Variants in COMMD1 observed in about 807,000 individuals in gnomAD.
COMMD1 encodes the protein copper metabolism domain containing 1, also known as COMM domain-containing protein 1.
COMMD1 carries 10 observed loss-of-function variants against 17.2 expected under a neutral mutation model. The ratio of observed to expected loss-of-function variants is 0.58; its 90% CI spans 0.36 to 0.99. The LOEUF (loss-of-function observed/expected upper bound fraction) is 0.99, where lower values mean the gene tolerates loss of function less well. Ranked by LOEUF, COMMD1 falls within the 50% of genes least tolerant of loss-of-function variation. The pLI, the probability that COMMD1 is intolerant of heterozygous loss-of-function variation, is 0.01. For synonymous variants in COMMD1, 97 were observed against 91.6 expected (o/e 1.06, Z -0.34); for missense variants, 270 against 231.8 (o/e 1.17, Z -1.07).
At chr2:61,933,497 G>T (rs762453809) in intron 1 of COMMD1, among the ~76,000 whole-genome samples, 7 of 151,966 alleles carry the variant, frequency 4.6e-5, no homozygotes, top group African/African-American at 1.4e-4. Context: ...TTTAGCCGGA[G>T]CCCAGCCCTT....
intron 2 of COMMD1, among the ~76,000 whole-genome samples, chr2:62,127,838 A>C (rs1288515825): frequency 6.6e-6 from 1 of 152,024 alleles, no homozygotes; most frequent in Non-Finnish European, 1.5e-5. Flanking sequence ...AGCCTGACCA[A>C]CATGGTGAAA....
rs183640412 is a variant in COMMD1 at position 61,900,297 on chromosome 2, C to T, written n.119+11455C>T. 1.3e-3 allele frequency among the ~76,000 whole-genome samples: 196 copies of T among 152,306 alleles called. 1 individual carries two copies. Among genetic ancestry groups the T allele is most frequent in the African/African-American group, 3.6e-3 (148 of 41,558 alleles). On this transcript the variant is annotated intron_variant and non_coding_transcript_variant, in intron 1 of 2. Coordinates refer to the COMMD1 transcript ENST00000472729. ...CAGGATATGCTGAAGTGGGGACTTA[C>T]AAGTTACAGGTGGATTCAGAGATTG...
intron 2 of COMMD1, chr2:62,055,564 A>T (rs531609832): frequency 2.4e-6 from 1 of 418,426 alleles, no homozygotes; most frequent in Admixed American, 3.0e-5. Context: ...CCCTGCATTA[A>T]AAGACAAGCC....
intron 2 of COMMD1, among the ~76,000 whole-genome samples, chr2:62,066,290 A>G (rs1486809552): frequency 6.6e-6 from 1 of 152,118 alleles, no homozygotes; most frequent in Non-Finnish European, 1.5e-5. Flanking sequence ...TTTAGCATTC[A>G]GATACCTATA....
At chr2:61,895,969 T>A (rs969227067) in intron 1 of COMMD1, among the ~76,000 whole-genome samples, 2 of 152,186 alleles carry the variant, frequency 1.3e-5, no homozygotes, top group African/African-American at 4.8e-5. Flanking sequence ...TGAACTCCAC[T>A]GTGGACCCAG....
chr2:62,042,184 T>G (rs1029039698), intron 2 of COMMD1, among the ~76,000 whole-genome samples: 12 of 152,194 alleles, frequency 7.9e-5, no homozygotes, highest in African/African-American at 2.9e-4. Context: ...ATTGGTGCAC[T>G]TACAATCCCT....
At position 61,905,720 on chromosome 2, in the gene COMMD1, G is replaced by A. The variant is rs1322492335; in HGVS notation, c.42G>A (p.Gly14=). ...TTGAGGGTGGCAAACCCCTGAGCGG[G>A]CTGCTGAATGCGCTGGCCCAGGACA... is the stretch of plus-strand genomic sequence containing the variant. ...GELEGGKPLS[G]LLNALAQDTF... The change falls in exon 1 of 3, where the codon GGG becomes GGA. Residue 14 remains glycine, a synonymous_variant. Coordinates refer to ENST00000311832, the MANE Select transcript of COMMD1 (RefSeq NM_152516.4). 5 of 1,607,260 alleles carry A rather than the reference G, an allele frequency of 3.1e-6. No homozygotes were observed. The highest frequency in any genetic ancestry group is 4.2e-6 in the Non-Finnish European group (5 of 1,176,558).
intron 1 of COMMD1, among the ~76,000 whole-genome samples, chr2:61,935,843 G>A (rs190585879): frequency 5.5e-4 from 83 of 151,582 alleles, no homozygotes; most frequent in African/African-American, 1.8e-3. Context: ...TTGAGACAGA[G>A]TCTCACTCTG....
chr2:61,946,307 C>G (rs1478420786), intron 1 of COMMD1, among the ~76,000 whole-genome samples: 1 of 152,088 alleles, frequency 6.6e-6, no homozygotes, highest in African/African-American at 2.4e-5. Flanking sequence ...AAGGGGCCCT[C>G]TGGAAAAATC....
chr2:62,055,353 G>C (rs1670664090), intron 2 of COMMD1: 2 of 446,964 alleles, frequency 4.5e-6, no homozygotes, highest in Non-Finnish European at 8.9e-6. Context: ...AAGACCCAAT[G>C]ATGAGACAGC....
chr2:62,108,124 C>T (rs538827799), intron 2 of COMMD1, among the ~76,000 whole-genome samples: 1 of 152,322 alleles, frequency 6.6e-6, no homozygotes, highest in Admixed American at 6.5e-5. Context: ...TTAATATTTA[C>T]TTCCCTATAT....
In COMMD1 at chr2:62,117,893, G is replaced by A. The variant is rs112752439; in HGVS notation, c.463-17938G>A. ...AGAAATGATCCCTGCACCCTGCCCC[G>A]CACTCCCCGCCCCCAACTTTTCTAT... On this transcript the variant is annotated intron_variant, in intron 2 of 2. Transcript: ENST00000311832. 3.6e-3 allele frequency among the ~76,000 whole-genome samples: 554 copies of A among 151,954 alleles called. 9 individuals carry two copies. The highest frequency in any genetic ancestry group is 0.013 in the African/African-American group (533 of 41,442).
At chr2:62,134,749 G>A (rs1673142081) in intron 2 of COMMD1, among the ~76,000 whole-genome samples, 1 of 152,008 alleles carries the variant, frequency 6.6e-6, no homozygotes, top group Non-Finnish European at 1.5e-5. Context: ...CTGCACTCCA[G>A]CCTGGAAACA....
chr2:61,892,762 C>T (rs917110632), intron 1 of COMMD1, among the ~76,000 whole-genome samples: 1 of 151,396 alleles, frequency 6.6e-6, no homozygotes, highest in Non-Finnish European at 1.5e-5. Flanking sequence ...GGTTTTACTC[C>T]AATTCAAAGA....
intron 2 of COMMD1, among the ~76,000 whole-genome samples, chr2:62,081,703 G>A (rs1371964620): frequency 2.0e-5 from 3 of 151,686 alleles, no homozygotes; most frequent in Non-Finnish European, 4.4e-5. Context: ...TTTTTCTCTC[G>A]GATGATTTAT....
chr2:62,099,180 G>A (rs73936035), intron 2 of COMMD1, among the ~76,000 whole-genome samples: 6,815 of 152,272 alleles, frequency 0.045, 515 homozygotes, highest in African/African-American at 0.16. Context: ...GTCAGGAGGA[G>A]CAGAAGGGGA....
At chr2:62,067,320 A>G (rs1671081772) in intron 2 of COMMD1, among the ~76,000 whole-genome samples, 1 of 152,102 alleles carries the variant, frequency 6.6e-6, no homozygotes, top group Admixed American at 6.6e-5. Flanking sequence ...ACTTAAAATT[A>G]GTTTTCTAAA....
chr2:62,086,197 T>C (rs1671664006), intron 2 of COMMD1, among the ~76,000 whole-genome samples: 1 of 151,002 alleles, frequency 6.6e-6, no homozygotes, highest in Admixed American at 6.6e-5. Context: ...ACAAAAAAGA[T>C]AAAAACATGA....
At chr2:62,061,566 T>C (rs10153877) in intron 2 of COMMD1, among the ~76,000 whole-genome samples, 11,320 of 148,198 alleles carry the variant, frequency 0.076, 1,005 homozygotes, top group African/African-American at 0.21. Flanking sequence ...TTTTTTTTTT[T>C]TTTTTTTGAG....
Sources: allele counts gnomAD v4.1 joint callset (sites outside exome capture counted in the v4.1 genomes callset), GRCh38; gene constraint gnomAD v4.1.1; transcripts MANE v1.5; gene names NCBI Gene and HGNC (gene_info 2026-07-23, HGNC 2026-07-21).